The following EP400 variants were observed in gnomAD, a reference collection of about 807,000 sequenced individuals.
The protein encoded by EP400 is E1A-binding protein p400.
EP400 carries 105 observed loss-of-function variants against 354.1 expected under a neutral mutation model. The ratio of observed to expected loss-of-function variants is 0.30; its 90% CI spans 0.25 to 0.35. The LOEUF is 0.35. Among genes scored for constraint, EP400 ranks in the 10% least tolerant of loss-of-function variants. EP400 has a pLI of 1.00. For synonymous variants in EP400, 1,646 were observed against 1,716.9 expected, an observed-to-expected ratio of 0.96 and a Z score of 1.02; for missense variants, 3,280 against 4,121.0, an observed-to-expected ratio of 0.80 and a Z score of 5.59.
Position 132,050,283 on chromosome 12 carries a change from G to A in EP400, c.7201-40G>A. 3 of 1,611,362 alleles carry A rather than the reference G, an allele frequency of 1.9e-6. No homozygotes were observed. The South Asian group carries it at 3.3e-5, about 18-fold the overall frequency. On this transcript the variant is annotated intron_variant, in intron 39 of 52. Transcript: ENST00000389561. The surrounding 1 kb of genome is among the most constrained non-coding windows in gnomAD (Gnocchi z 4.8). Reference sequence around the variant, plus strand: ...GTGTCCCACGCAGCCGTCTGTCCATGCTGCCTAATTCAGATGCACTCTCGT... The same window carrying A: ...GTGTCCCACGCAGCCGTCTGTCCATACTGCCTAATTCAGATGCACTCTCGT...
At chr12:132,008,123 T>G (rs541552782) in intron 15 of EP400, among the ~76,000 whole-genome samples, 1 of 152,284 alleles carries the variant, frequency 6.6e-6, no homozygotes, top group East Asian at 1.9e-4. Flanking sequence ...TAATTTTGTA[T>G]TTTTAGTAGA....
intron 11 of EP400, among the ~76,000 whole-genome samples, chr12:131,992,982 C>T (rs1371961373): frequency 3.9e-5 from 6 of 152,118 alleles, no homozygotes; most frequent in Non-Finnish European, 7.4e-5. Flanking sequence ...GGAGTTTGGC[C>T]AGATTGTTGG....
rs1893823161 is a variant in EP400, at chr12:132,013,267, A to G, written c.3611+89A>G. ...GAAATCTGCATAATTGCAGACACAA[A>G]CAATGGCCTTTGAGCTAGAGAATTG... On this transcript the variant is annotated intron_variant, in intron 17 of 52. Coordinates refer to ENST00000389561, the MANE Select transcript of EP400 (RefSeq NM_015409.5). The surrounding 1 kb of genome is among the most constrained non-coding windows in gnomAD (Gnocchi z 4.5). 5.4e-6 allele frequency: 8 copies of G among 1,484,680 alleles called. No individual in the cohort carries two copies. Among genetic ancestry groups the G allele is most frequent in the Non-Finnish European group, 7.2e-6 (8 of 1,108,758 alleles). 92.0% of individuals were successfully genotyped at this position (1,484,680 alleles called of 1,614,324 possible).
At chr12:132,014,783 G>A (rs1893872337) in intron 19 of EP400, among the ~76,000 whole-genome samples, 1 of 152,332 alleles carries the variant, frequency 6.6e-6, no homozygotes, top group Admixed American at 6.5e-5. Context: ...CTCCTTGTGG[G>A]GAGATGACAT....
chr12:131,971,060 G>T (rs967459008), intron 2 of EP400, among the ~76,000 whole-genome samples: 1 of 152,144 alleles, frequency 6.6e-6, no homozygotes, highest in Non-Finnish European at 1.5e-5. Context: ...AAATTAGCCA[G>T]GTGTGGCATG....
At chr12:131,958,846 G>A (rs779307590) in intron 1 of EP400, among the ~76,000 whole-genome samples, 4 of 152,190 alleles carry the variant, frequency 2.6e-5, no homozygotes. Flanking sequence ...TAGATTCATG[G>A]TTTTTAAAAA....
At chr12:132,009,894 C>G (rs1387618992) in intron 15 of EP400, among the ~76,000 whole-genome samples, 1 of 130,730 alleles carries the variant, frequency 7.6e-6, no homozygotes, top group South Asian at 2.4e-4. Flanking sequence ...TGGCTGATCT[C>G]GAACTCCTGG....
Position 132,025,843 on chromosome 12 carries a change from G to GCTT in EP400, c.5014+43_5014+45dup. The GCTT allele has an allele frequency of 6.5e-7, 1 of 1,532,270 alleles. No homozygotes were observed. The highest frequency in any genetic ancestry group is 8.7e-7 in the Non-Finnish European group (1 of 1,143,184). The allele number at this position is 1,532,270 out of a possible 1,614,324, so 94.9% of individuals were successfully genotyped here. A position where few individuals can be genotyped will look rare whatever the true frequency, so the allele number is the denominator to read the frequency against. Reference sequence around the variant, plus strand: ...AGCAGGAGGGAGACTTGGCTTGGATGCTTCTTTCTCTTCCATCTAAGGCGA... The same window carrying GCTT: ...AGCAGGAGGGAGACTTGGCTTGGATGCTTCTTCTTTCTCTTCCATCTAAGGCGA... On this transcript the variant is annotated intron_variant, in intron 25 of 52. Transcript: ENST00000389561. The surrounding 1 kb of genome is among the most constrained non-coding windows in gnomAD (Gnocchi z 4.1).
intron 2 of EP400, among the ~76,000 whole-genome samples, chr12:131,970,841 G>C (rs1400869040): frequency 6.6e-6 from 1 of 151,576 alleles, no homozygotes; most frequent in East Asian, 1.9e-4. Flanking sequence ...AGTTACCCTT[G>C]TTTTGTTTTG....
intron 51 of EP400, chr12:132,076,253 A>T: frequency 7.8e-6 from 4 of 512,334 alleles, no homozygotes; most frequent in Non-Finnish European, 1.5e-5. Flanking sequence ...TTGTGAAAAG[A>T]AAAAATGTGT....
intron 30 of EP400, among the ~76,000 whole-genome samples, chr12:132,033,576 G>A (rs1445487063): frequency 1.3e-5 from 2 of 151,218 alleles, no homozygotes; most frequent in African/African-American, 4.9e-5. Context: ...CTGTTGCCCA[G>A]GCTGGAGTGC....
intron 22 of EP400, 141 bp downstream of exon 22, chr12:132,020,359 C>G: frequency 1.0e-6 from 1 of 962,680 alleles, no homozygotes; most frequent in South Asian, 1.9e-5. Context: ...TCTGAAGGTG[C>G]CTTGTTTAGT....
In EP400 at chr12:132,006,101, T is replaced by C; in HGVS notation, c.2936-11T>C. ...AGTGGCCCTCACTTCTCTGTTTTAT[T>C]GTCGTTACAGATGCAGATGACTGTC... On this transcript the variant is annotated splice_polypyrimidine_tract_variant and intron_variant, in intron 13 of 52. Coordinates refer to ENST00000389561, the MANE Select transcript of EP400 (RefSeq NM_015409.5). 6.2e-7 allele frequency: 1 copy of C among 1,609,546 alleles called. No homozygotes were observed. Among genetic ancestry groups the C allele is most frequent in the Non-Finnish European group, 8.5e-7 (1 of 1,176,830 alleles).
chr12:131,965,167 C>T (rs1892033699), intron 2 of EP400, among the ~76,000 whole-genome samples: 1 of 152,328 alleles, frequency 6.6e-6, no homozygotes, highest in Non-Finnish European at 1.5e-5. Flanking sequence ...GGTGTGATGT[C>T]ACTTTGTCCT....
At chr12:132,071,204 T>C (rs1896057305) in intron 51 of EP400, among the ~76,000 whole-genome samples, 1 of 152,158 alleles carries the variant, frequency 6.6e-6, no homozygotes, top group African/African-American at 2.4e-5. Context: ...CTTTTTGTCT[T>C]GTTTAAAGCC....
intron 45 of EP400, among the ~76,000 whole-genome samples, chr12:132,058,791 CT>C (rs58651614): frequency 2.9e-3 from 396 of 138,834 alleles, no homozygotes; most frequent in Middle Eastern, 7.2e-3. Flanking sequence ...CGATTTCTTC[CT>C]TTTTTTTTTT....
At chr12:132,069,908 C>T (rs1466405844) in intron 51 of EP400, among the ~76,000 whole-genome samples, 1 of 152,188 alleles carries the variant, frequency 6.6e-6, no homozygotes, top group African/African-American at 2.4e-5. Context: ...GCTGCCCTCT[C>T]CCAGTTCCAG....
At chr12:132,063,636 C>T (rs1285800255) in intron 47 of EP400, among the ~76,000 whole-genome samples, 5 of 152,158 alleles carry the variant, frequency 3.3e-5, no homozygotes, top group Non-Finnish European at 5.9e-5. Context: ...GTTGGGCCTG[C>T]CGGAGTGCTT....
At chr12:132,051,317 C>T (rs537936185) in intron 41 of EP400, among the ~76,000 whole-genome samples, 7 of 152,228 alleles carry the variant, frequency 4.6e-5, no homozygotes, top group South Asian at 2.1e-4. Context: ...TGTGCGGAGA[C>T]GAGAGAGCGT....
Sources: gnomAD v4.1 joint callset for allele counts (sites outside exome capture counted in the v4.1 genomes callset) on GRCh38, gnomAD v4.1.1 for gene constraint, Gnocchi (gnomAD v3.1) non-coding constraint, MANE v1.5 for transcripts, NCBI Gene and HGNC (gene_info 2026-07-23, HGNC 2026-07-21) for gene names.